PTBP3: variants seen among roughly 807,000 people sequenced by gnomAD.
PTBP3 encodes polypyrimidine tract binding protein 3, also known as polypyrimidine tract-binding protein 3.
In PTBP3, 20 loss-of-function variants were observed where a neutral mutation model predicts 58.7. The ratio of observed to expected loss-of-function variants is 0.34; its 90% CI spans 0.24 to 0.50. PTBP3 has a LOEUF of 0.50. PTBP3 is among the 20% of genes least tolerant of loss of function. The pLI, the probability that PTBP3 is intolerant of heterozygous loss-of-function variation, is 0.98. For missense variants in PTBP3, 509 were observed against 637.2 expected, an observed-to-expected ratio of 0.80 and a Z score of 2.17; for synonymous variants, 185 against 219.8, an observed-to-expected ratio of 0.84 and a Z score of 1.40.
intron 1 of PTBP3, among the ~76,000 whole-genome samples, chr9:112,302,484 C>G (rs568191536): frequency 4.1e-4 from 62 of 151,706 alleles, no homozygotes; most frequent in Non-Finnish European, 6.9e-4. Context: ...CTTAGAGACA[C>G]TTGAGATTAC....
chr9:112,273,076 T>C (rs984167462), intron 3 of PTBP3, among the ~76,000 whole-genome samples: 28 of 152,168 alleles, frequency 1.8e-4, no homozygotes, highest in Non-Finnish European at 4.0e-4. Context: ...CAACCAAATG[T>C]AACAAGTGAA....
intron 3 of PTBP3, among the ~76,000 whole-genome samples, chr9:112,273,050 T>C (rs73539726): frequency 0.014 from 2,207 of 152,294 alleles, 65 homozygotes; most frequent in African/African-American, 0.051. Context: ...ATGTTAAACA[T>C]GATGTATAAC....
At chr9:112,324,886 T>TA (rs1404592420) in intron 1 of PTBP3, among the ~76,000 whole-genome samples, 10 of 152,162 alleles carry the variant, frequency 6.6e-5, no homozygotes, top group Non-Finnish European at 1.3e-4. Flanking sequence ...AACTCTAATA[T>TA]AAAGCTGATC....
At position 112,222,647 on chromosome 9, in the gene PTBP3, A is replaced by G. The variant is rs1048106893; in HGVS notation, c.*1204T>C. ...AAAAATTTGATAAAAACTATTACTT[A>G]TTGAAAACCACTTAAAATTGCAATG... On this transcript the variant is annotated 3_prime_UTR_variant, in exon 14 of 14. Transcript: ENST00000374257. 1.0e-6 allele frequency: 1 copy of G among 985,662 alleles called. No homozygotes were observed. Among genetic ancestry groups the G allele is most frequent in the African/African-American group, 1.7e-5 (1 of 57,238 alleles). 61.1% of individuals were successfully genotyped at this position (985,662 alleles called of 1,614,324 possible).
chr9:112,237,772 T>A (rs1223736904), intron 7 of PTBP3, among the ~76,000 whole-genome samples: 2 of 152,144 alleles, frequency 1.3e-5, no homozygotes, highest in African/African-American at 4.8e-5. Context: ...CCTATTAATA[T>A]AAGCTGAAAA....
intron 7 of PTBP3, among the ~76,000 whole-genome samples, chr9:112,245,780 G>C (rs1406190753): frequency 6.6e-6 from 1 of 152,174 alleles, no homozygotes; most frequent in Non-Finnish European, 1.5e-5. Flanking sequence ...CACAGAGCCA[G>C]TGTGAACGGG....
the PTBP3 span, among the ~76,000 whole-genome samples, chr9:112,373,449 G>A: frequency 6.6e-6 from 1 of 152,058 alleles, no homozygotes; most frequent in Non-Finnish European, 1.5e-5. Flanking sequence ...CCAGATTAAG[G>A]GTGGGCCTGC....
At chr9:112,255,675 T>G (rs1358093883) in intron 5 of PTBP3, among the ~76,000 whole-genome samples, 1 of 152,182 alleles carries the variant, frequency 6.6e-6, no homozygotes, top group East Asian at 1.9e-4. Context: ...CCCTGGTTTA[T>G]CTCTCAAACC....
At chr9:112,357,158 A>C in the PTBP3 span, among the ~76,000 whole-genome samples, 10 of 152,202 alleles carry the variant, frequency 6.6e-5, no homozygotes, top group African/African-American at 1.9e-4. Context: ...TTGAGATTAC[A>C]GGCATGAGCC....
chr9:112,268,425 G>A (rs992105925), intron 3 of PTBP3, among the ~76,000 whole-genome samples: 16 of 152,272 alleles, frequency 1.1e-4, no homozygotes, highest in African/African-American at 3.8e-4. Flanking sequence ...CAGGCGTGGT[G>A]GTTCACAACT....
the PTBP3 span, among the ~76,000 whole-genome samples, chr9:112,343,294 T>C: frequency 1.3e-5 from 2 of 151,560 alleles, no homozygotes; most frequent in Non-Finnish European, 2.9e-5. Context: ...CTGCAGCCTC[T>C]GCCTCCCGGG....
At chr9:112,312,500 TAAAA>T (rs67629809) in intron 1 of PTBP3, among the ~76,000 whole-genome samples, 31 of 123,066 alleles carry the variant, frequency 2.5e-4, no homozygotes, top group African/African-American at 9.1e-4. Flanking sequence ...TTTTTTTTTT[TAAAA>T]AAAAAAAAAA....
At chr9:112,378,832 T>C in the PTBP3 span, among the ~76,000 whole-genome samples, 2 of 152,176 alleles carry the variant, frequency 1.3e-5, no homozygotes, top group Non-Finnish European at 2.9e-5. Flanking sequence ...TCAATTCAAA[T>C]GCCTACAGGA....
chr9:112,223,030 T>C lies in PTBP3; in HGVS notation c.*821A>G. On this transcript the variant is annotated 3_prime_UTR_variant, in exon 14 of 14. Transcript: ENST00000374257. ...GTTTATAAGTAGGATTATTTTTCTT[T>C]AAAATTTTCCAAGATCATATTACTT... The C allele has an allele frequency of 2.3e-6, 2 of 854,344 alleles. No individual in the cohort carries two copies. Among genetic ancestry groups the C allele is most frequent in the South Asian group, 5.4e-5 (1 of 18,452 alleles). 52.9% of individuals were successfully genotyped at this position (854,344 alleles called of 1,614,324 possible).
At chr9:112,369,636 C>T in the PTBP3 span, among the ~76,000 whole-genome samples, 1 of 152,272 alleles carries the variant, frequency 6.6e-6, no homozygotes, top group Admixed American at 6.5e-5. Context: ...AAGAGGCTTG[C>T]CTTGTCTCAG....
rs530644227 is a variant in PTBP3, at chr9:112,269,221, G to A, written c.205-1026C>T. 2.2e-5 allele frequency among the ~76,000 whole-genome samples: 3 copies of A among 139,502 alleles called. 1 individual carries two copies. The Admixed American group carries it at 2.2e-4, about 10-fold the overall frequency. The allele number at this position is 139,502 out of a possible 152,430, so 91.5% of individuals were successfully genotyped here. A position where few individuals can be genotyped will look rare whatever the true frequency, so the allele number is the denominator to read the frequency against. On this transcript the variant is annotated intron_variant, in intron 3 of 13. Transcript: ENST00000374257. ...CAAAAAAAAAAAAAAAAAAAAAATT[G>A]ATGCTAAAAGGCTACAATACATAAA...
chr9:112,310,786 G>A (rs952149639), intron 1 of PTBP3, among the ~76,000 whole-genome samples: 1 of 152,178 alleles, frequency 6.6e-6, no homozygotes. Context: ...AAGAGAAAAA[G>A]GCATTTAACC....
In PTBP3 at chr9:112,248,758, T is replaced by A. The variant is rs139965326; in HGVS notation, c.802+2171A>T. On this transcript the variant is annotated intron_variant, in intron 7 of 13. Transcript: ENST00000374257. Reference sequence around the variant, plus strand: ...TGAAACTGAAGAAATATGTTCTCTATGACCCAACAATTCCTTTCCTATGTA... The same window carrying A: ...TGAAACTGAAGAAATATGTTCTCTAAGACCCAACAATTCCTTTCCTATGTA... Among the ~76,000 whole-genome samples, 16 of 152,336 alleles carry A rather than the reference T, an allele frequency of 1.1e-4. 1 individual carries two copies. Among genetic ancestry groups the A allele is most frequent in the Non-Finnish European group, 2.4e-4 (16 of 68,028 alleles).
At position 112,232,130 on chromosome 9, in the gene PTBP3, G is replaced by T. The variant is rs760669375; in HGVS notation, c.989C>A (p.Ser330Tyr). ...ATTGAGATTTGTGACGAGTAGAACA[G>T]AATTTCCTGGTATACCACTAGCCCC... The part of the protein sequence containing the change: ...IPGASGIPGN[S>Y]VLLVTNLNPD... Residue 330 changes from serine to tyrosine, a missense_variant, in exon 9 of 14, where the codon TCT becomes TAT. Around this residue, in one of 4 missense-constraint regions of PTBP3, gnomAD observed 121 missense variants for 114.8 expected, o/e 1.05. Coordinates refer to ENST00000374257, the MANE Select transcript of PTBP3 (RefSeq NM_001163788.4). The T allele has an allele frequency of 6.2e-7, 1 of 1,612,742 alleles. No homozygotes were observed. The highest frequency in any genetic ancestry group is 1.3e-5 in the African/African-American group (1 of 74,734).
Sources: allele counts gnomAD v4.1 joint callset (sites outside exome capture counted in the v4.1 genomes callset), GRCh38; gene constraint gnomAD v4.1.1; regional missense constraint gnomAD v4.1.1; transcripts MANE v1.5; gene names NCBI Gene and HGNC (gene_info 2026-07-23, HGNC 2026-07-21).